PDE4D: variants seen among roughly 807,000 people sequenced by gnomAD.
The protein encoded by PDE4D is 3',5'-cyclic-AMP phosphodiesterase 4D.
A neutral mutation model predicts 87.4 loss-of-function variants in PDE4D; 24 were observed. The ratio of observed to expected loss-of-function variants is 0.27; its 90% CI spans 0.20 to 0.39. PDE4D has a LOEUF of 0.39. Among genes scored for constraint, PDE4D ranks in the 10% least tolerant of loss-of-function variants. PDE4D has a pLI of 1.00. For missense variants in PDE4D, 714 were observed against 1,041.0 expected, an observed-to-expected ratio of 0.69 and a Z score of 4.32; for synonymous variants, 384 against 383.2, an observed-to-expected ratio of 1.00 and a Z score of -0.02.
At chr5:59,898,778 T>C (rs948548990) in intron 3 of PDE4D, among the ~76,000 whole-genome samples, 1 of 152,186 alleles carries the variant, frequency 6.6e-6, no homozygotes, top group African/African-American at 2.4e-5. Flanking sequence ...TTATTCAGTG[T>C]CCCCTAAAGG....
At chr5:59,269,447 T>C (rs1279829894) in intron 1 of PDE4D, among the ~76,000 whole-genome samples, 1 of 152,150 alleles carries the variant, frequency 6.6e-6, no homozygotes, top group Non-Finnish European at 1.5e-5. Context: ...GTTACATAAC[T>C]TCAAGGTCTT....
At chr5:60,429,650 T>G (rs1212652634) in intron 1 of PDE4D, among the ~76,000 whole-genome samples, 1 of 152,142 alleles carries the variant, frequency 6.6e-6, no homozygotes, top group Non-Finnish European at 1.5e-5. Context: ...CAATGCCTAG[T>G]TTTTTGAAGG....
intron 5 of PDE4D, among the ~76,000 whole-genome samples, chr5:59,079,478 C>T (rs16889167): frequency 0.29 from 44,715 of 151,696 alleles, 6,840 homozygotes; most frequent in Middle Eastern, 0.35. Flanking sequence ...TCTAATTGAC[C>T]TCTTACTCTA....
intron 1 of PDE4D, among the ~76,000 whole-genome samples, chr5:60,439,777 A>G (rs1745046684): frequency 6.6e-6 from 1 of 152,062 alleles, no homozygotes; most frequent in African/African-American, 2.4e-5. Context: ...TCTCTCACCT[A>G]CAAGAGTGCC....
At chr5:59,101,404 A>T (rs1770712643) in intron 5 of PDE4D, among the ~76,000 whole-genome samples, 1 of 151,920 alleles carries the variant, frequency 6.6e-6, no homozygotes, top group South Asian at 2.1e-4. Flanking sequence ...AGAAGGGGGA[A>T]ATTTTGTCAC....
At chr5:59,666,311 C>T (rs1746070459) in intron 1 of PDE4D, among the ~76,000 whole-genome samples, 1 of 152,160 alleles carries the variant, frequency 6.6e-6, no homozygotes, top group South Asian at 2.1e-4. Flanking sequence ...TGGACTAAGA[C>T]ATGACCTACC....
chr5:59,255,638 C>G (rs938548174), intron 1 of PDE4D, among the ~76,000 whole-genome samples: 2 of 152,076 alleles, frequency 1.3e-5, no homozygotes, highest in Non-Finnish European at 2.9e-5. Flanking sequence ...CAAGAAGCTT[C>G]TCTATGTATT....
chr5:59,182,239 T>C (rs1272238941), intron 4 of PDE4D, among the ~76,000 whole-genome samples: 1 of 147,488 alleles, frequency 6.8e-6, no homozygotes, highest in African/African-American at 2.5e-5. Flanking sequence ...CCAGTAATTA[T>C]CTTCTTCTTC....
At chr5:60,280,463 T>C (rs189597601) in intron 1 of PDE4D, among the ~76,000 whole-genome samples, 5 of 152,224 alleles carry the variant, frequency 3.3e-5, no homozygotes, top group Admixed American at 2.6e-4. Flanking sequence ...GTGAATATAA[T>C]TAAATTTAAC....
chr5:59,678,686 A>C (rs1370361552), intron 1 of PDE4D, among the ~76,000 whole-genome samples: 2 of 152,062 alleles, frequency 1.3e-5, no homozygotes, highest in Admixed American at 6.6e-5. Context: ...GCTGGTCTTA[A>C]ATTTCTGACC....
intron 1 of PDE4D, among the ~76,000 whole-genome samples, chr5:59,268,690 T>C (rs1763270308): frequency 6.6e-6 from 1 of 152,142 alleles, no homozygotes; most frequent in Admixed American, 6.6e-5. Flanking sequence ...CTATCTTCCT[T>C]ACCAACCTAG....
chr5:60,259,753 G>C (rs1435538096), intron 1 of PDE4D, among the ~76,000 whole-genome samples: 1 of 151,976 alleles, frequency 6.6e-6, no homozygotes, highest in African/African-American at 2.4e-5. Context: ...CTTTACACAA[G>C]GCAAATAAGG....
chr5:59,082,908 A>C (rs1366586836), intron 5 of PDE4D, among the ~76,000 whole-genome samples: 1 of 152,094 alleles, frequency 6.6e-6, no homozygotes, highest in East Asian at 1.9e-4. Flanking sequence ...CTACTACTAC[A>C]CAGTTGTCAT....
intron 2 of PDE4D, among the ~76,000 whole-genome samples, chr5:60,001,786 A>G (rs975300272): frequency 6.6e-6 from 1 of 151,056 alleles, no homozygotes; most frequent in East Asian, 2.0e-4. Flanking sequence ...GAGTTTTTGT[A>G]TGTGATTGAA....
At chr5:59,216,869 G>A (rs553693270) in intron 1 of PDE4D, 53 of 176,662 alleles carry the variant, frequency 3.0e-4, no homozygotes, top group African/African-American at 1.2e-3. Context: ...CTTTCTCTAC[G>A]CTCCCAAGAC....
rs187630813 is a variant in PDE4D, at chr5:60,079,172, T to C, written c.43-90455A>G. 1.6e-4 allele frequency among the ~76,000 whole-genome samples: 24 copies of C among 152,296 alleles called. No homozygotes were observed. The East Asian group carries it at 3.7e-3, about 23-fold the overall frequency. On this transcript the variant is annotated intron_variant, in intron 2 of 16. Coordinates refer to the PDE4D transcript ENST00000502484. ...GCTTTTTTCATATGTTTGCTGGCCATGTAAATATCTTCTTTTGAGAAGTGT... is the reference window on the plus strand; with the variant it reads ...GCTTTTTTCATATGTTTGCTGGCCACGTAAATATCTTCTTTTGAGAAGTGT...
At chr5:59,605,701 T>C (rs1264417693) in intron 1 of PDE4D, among the ~76,000 whole-genome samples, 2 of 152,094 alleles carry the variant, frequency 1.3e-5, no homozygotes, top group Admixed American at 1.3e-4. Flanking sequence ...GACAGTGTCT[T>C]CCAATTACAA....
chr5:59,182,717 C>G (rs1216024602), intron 4 of PDE4D, among the ~76,000 whole-genome samples: 1 of 152,054 alleles, frequency 6.6e-6, no homozygotes, highest in African/African-American at 2.4e-5. Flanking sequence ...GATATCTGAA[C>G]AAGTAATGGC....
chr5:60,184,792 T>TGCCTTCAAATTA (rs1420679137), intron 2 of PDE4D, among the ~76,000 whole-genome samples: 2 of 152,248 alleles, frequency 1.3e-5, no homozygotes, highest in Non-Finnish European at 2.9e-5. Context: ...GTTTTTCTGA[T>TGCCTTCAAATTA]GCCTTCAAAT....
Sources: allele counts gnomAD v4.1 joint callset (sites outside exome capture counted in the v4.1 genomes callset), GRCh38; gene constraint gnomAD v4.1.1; transcripts MANE v1.5; gene names NCBI Gene and HGNC (gene_info 2026-07-23, HGNC 2026-07-21).